FRMD5: variants seen among roughly 807,000 people sequenced by gnomAD.
FRMD5 encodes FERM domain containing 5, also known as FERM domain-containing protein 5.
FRMD5 carries 20 observed loss-of-function variants against 69.0 expected under a neutral mutation model. That is an observed-to-expected ratio of 0.29 (90% confidence interval 0.20 to 0.42). The LOEUF (loss-of-function observed/expected upper bound fraction) is 0.42, where lower values mean the gene tolerates loss of function less well. Among genes scored for constraint, FRMD5 ranks in the 10% least tolerant of loss-of-function variants. The pLI, the probability that FRMD5 is intolerant of heterozygous loss-of-function variation, is 1.00. For synonymous variants in FRMD5, 271 were observed against 260.1 expected, an observed-to-expected ratio of 1.04 and a Z score of -0.40; for missense variants, 595 against 708.6, an observed-to-expected ratio of 0.84 and a Z score of 1.82.
chr15:44,108,792 C>T (rs1384404774), intron 1 of FRMD5, among the ~76,000 whole-genome samples: 1 of 151,908 alleles, frequency 6.6e-6, no homozygotes, highest in East Asian at 1.9e-4. Context: ...AGTGAGACAC[C>T]TCTACCAGTA....
intron 6 of FRMD5, among the ~76,000 whole-genome samples, chr15:43,904,758 C>T (rs2089129581): frequency 6.6e-6 from 1 of 152,158 alleles, no homozygotes; most frequent in Non-Finnish European, 1.5e-5. Flanking sequence ...AGCCCAAACA[C>T]CCTATTGTTG....
chr15:44,043,939 C>A (rs190141531), intron 1 of FRMD5, among the ~76,000 whole-genome samples: 1 of 152,078 alleles, frequency 6.6e-6, no homozygotes, highest in Non-Finnish European at 1.5e-5. Context: ...TCTAATTAAA[C>A]TAAAGAGCTG....
chr15:44,026,033 A>G (rs896329877), intron 1 of FRMD5, among the ~76,000 whole-genome samples: 1 of 152,172 alleles, frequency 6.6e-6, no homozygotes. Flanking sequence ...GCTAGAGTGC[A>G]GTGGCACCAT....
Position 43,892,021 on chromosome 15 carries a change from C to G in FRMD5, c.688G>C (p.Val230Leu). The stretch of plus-strand genomic sequence containing the variant: ...ACCCTCTTGTTTCCTTGAAGAACAA[C>G]AAACCCAAAAGGAGTGAAGGCCAGA... ...AFLAFTPFGF[V>L]VLQGNKRVHF... The change falls in exon 8 of 14, where the codon GTT (valine) becomes CTT (leucine). Residue 230 changes from valine (V) to leucine (L), a missense_variant. Around this residue, in one of 5 missense-constraint regions of FRMD5, gnomAD observed 176 missense variants for 266.3 expected, o/e 0.66. Transcript: ENST00000417257. 1 of 1,614,188 alleles carries G rather than the reference C, an allele frequency of 6.2e-7. No homozygotes were observed. The highest frequency in any genetic ancestry group is 8.5e-7 in the Non-Finnish European group (1 of 1,180,012).
At chr15:44,062,309 C>A (rs571962030) in intron 1 of FRMD5, among the ~76,000 whole-genome samples, 5 of 151,986 alleles carry the variant, frequency 3.3e-5, no homozygotes, top group Non-Finnish European at 7.4e-5. Flanking sequence ...AATACTGTAT[C>A]CACCATGGGG....
intron 1 of FRMD5, among the ~76,000 whole-genome samples, chr15:44,103,507 T>A (rs1002491718): frequency 4.6e-5 from 7 of 152,240 alleles, no homozygotes; most frequent in African/African-American, 1.7e-4. Context: ...GAAATACAGA[T>A]AGATCAAACA....
At chr15:44,032,630 T>G (rs1273028039) in intron 1 of FRMD5, among the ~76,000 whole-genome samples, 3 of 152,058 alleles carry the variant, frequency 2.0e-5, no homozygotes, top group Admixed American at 6.6e-5. Flanking sequence ...ATTAGAGAAA[T>G]GCAAATCAGA....
intron 1 of FRMD5, among the ~76,000 whole-genome samples, chr15:44,193,725 C>G (rs2615303): frequency 0.14 from 21,339 of 152,214 alleles, 2,799 homozygotes; most frequent in African/African-American, 0.35. Flanking sequence ...GAAGGCTGAA[C>G]TGAGCACGGA....
chr15:44,108,599 C>A (rs1314247748), intron 1 of FRMD5, among the ~76,000 whole-genome samples: 2 of 152,122 alleles, frequency 1.3e-5, no homozygotes, highest in Non-Finnish European at 2.9e-5. Context: ...GAGCCGAGAT[C>A]ACGCCATTGC....
At chr15:43,942,290 G>T (rs967441408) in intron 1 of FRMD5, among the ~76,000 whole-genome samples, 4 of 152,186 alleles carry the variant, frequency 2.6e-5, no homozygotes, top group Non-Finnish European at 5.9e-5. Flanking sequence ...TGAAATGATG[G>T]CCTCAAAGAC....
chr15:43,900,932 C>T (rs1595497857), intron 7 of FRMD5, among the ~76,000 whole-genome samples: 1 of 152,170 alleles, frequency 6.6e-6, no homozygotes, highest in East Asian at 1.9e-4. Context: ...ATTTGTTATG[C>T]GCTATACACT....
intron 1 of FRMD5, among the ~76,000 whole-genome samples, chr15:44,043,617 A>C (rs911714415): frequency 2.0e-5 from 3 of 152,030 alleles, no homozygotes; most frequent in Non-Finnish European, 4.4e-5. Context: ...CAGAAATAAC[A>C]CCACATGTCC....
Position 43,941,928 on chromosome 15 carries a change from A to C in FRMD5, c.103-17619T>G, listed in dbSNP as rs575169451. Among the ~76,000 whole-genome samples the C allele has an allele frequency of 5.3e-5, 8 of 152,334 alleles. No individual in the cohort carries two copies. In the South Asian group the frequency reaches 1.7e-3, roughly 32 times the overall value. ...ATATTTTCTTACCTCTAAGATTCTTATTCAAGAAATATATTAAGAGAATTA... is the reference window on the plus strand; with the variant it reads ...ATATTTTCTTACCTCTAAGATTCTTCTTCAAGAAATATATTAAGAGAATTA... On this transcript the variant is annotated intron_variant, in intron 1 of 13. Coordinates refer to ENST00000417257, the MANE Select transcript of FRMD5 (RefSeq NM_032892.5).
At chr15:44,121,755 G>A (rs180679361) in intron 1 of FRMD5, among the ~76,000 whole-genome samples, 17 of 152,138 alleles carry the variant, frequency 1.1e-4, no homozygotes, top group South Asian at 2.1e-4. Flanking sequence ...AGCACTTTGG[G>A]AGGCTGAGAC....
intron 1 of FRMD5, among the ~76,000 whole-genome samples, chr15:43,929,531 C>T (rs2089640324): frequency 6.6e-6 from 1 of 152,194 alleles, no homozygotes; most frequent in Non-Finnish European, 1.5e-5. Context: ...TGGCTACATG[C>T]TATGACCTTG....
chr15:43,918,165 C>A (rs2089427571), intron 4 of FRMD5, among the ~76,000 whole-genome samples: 2 of 152,170 alleles, frequency 1.3e-5, no homozygotes, highest in African/African-American at 4.8e-5. Context: ...GTGGCTCATG[C>A]CTGTAATCCC....
intron 5 of FRMD5, among the ~76,000 whole-genome samples, chr15:43,906,683 G>A (rs1342147054): frequency 1.3e-5 from 2 of 151,136 alleles, no homozygotes; most frequent in East Asian, 1.9e-4. Context: ...CTCACTGCAA[G>A]CTCCGACTCC....
Position 44,195,258 on chromosome 15 carries a change from A to T in FRMD5, c.-204T>A. 1.9e-6 allele frequency: 1 copy of T among 513,928 alleles called. No homozygotes were observed. Among genetic ancestry groups the T allele is most frequent in the Admixed American group, 3.8e-5 (1 of 26,060 alleles). The allele number at this position is 513,928 out of a possible 1,614,324, so 31.8% of individuals were successfully genotyped here. A position where few individuals can be genotyped will look rare whatever the true frequency, so the allele number is the denominator to read the frequency against. On this transcript the variant is annotated 5_prime_UTR_variant, in exon 1 of 14. Coordinates refer to ENST00000417257, the MANE Select transcript of FRMD5 (RefSeq NM_032892.5). ...CCACCGCCTCCCCCCAGCCCAGATC[A>T]AGCGCCGGGCTCTGTCTCCTCGGCG...
At chr15:44,088,567 C>T (rs771031296) in intron 1 of FRMD5, among the ~76,000 whole-genome samples, 11 of 152,076 alleles carry the variant, frequency 7.2e-5, no homozygotes, top group Non-Finnish European at 1.3e-4. Context: ...TCAGGTTATC[C>T]CTCCTCATGT....
Sources: allele counts gnomAD v4.1 joint callset (sites outside exome capture counted in the v4.1 genomes callset), GRCh38; gene constraint gnomAD v4.1.1; regional missense constraint gnomAD v4.1.1; transcripts MANE v1.5; gene names NCBI Gene and HGNC (gene_info 2026-07-23, HGNC 2026-07-21).